The following TRDMT1 variants were observed in gnomAD, a reference collection of about 807,000 sequenced individuals.
The protein encoded by TRDMT1 is tRNA aspartic acid methyltransferase 1, also known as tRNA (cytosine(38)-C(5))-methyltransferase.
A neutral mutation model predicts 51.2 loss-of-function variants in TRDMT1; 49 were observed. The observed-to-expected ratio is 0.96, with a 90% confidence interval of 0.76 to 1.21. The LOEUF is 1.21. Ranked by LOEUF, TRDMT1 falls within the 50% of genes most tolerant of loss-of-function variation. The pLI is 0.00. For synonymous variants in TRDMT1, 187 were observed against 164.6 expected (o/e 1.14, Z -1.04); for missense variants, 534 against 462.3 (o/e 1.16, Z -1.42).
chr10:17,144,681 A>G lies in TRDMT1; in HGVS notation c.*4359T>C. The G allele has an allele frequency of 1.0e-6, 1 of 985,434 alleles. No homozygotes were observed. The highest frequency in any genetic ancestry group is 1.2e-6 in the Non-Finnish European group (1 of 829,916). The allele number at this position is 985,434 out of a possible 1,614,324, so 61.0% of individuals were successfully genotyped here. Reference sequence around the variant, plus strand: ...TTAAAAAGAAATAAATTCACAAGCTAAGACATGAATGGTGATGGAGTTTGG... The same window carrying G: ...TTAAAAAGAAATAAATTCACAAGCTGAGACATGAATGGTGATGGAGTTTGG... On this transcript the variant is annotated 3_prime_UTR_variant, in exon 11 of 11. Transcript: ENST00000377799.
chr10:17,159,111 C>T (rs1765831848), intron 7 of TRDMT1, 35 bp downstream of exon 7: 21 of 1,327,520 alleles, frequency 1.6e-5, no homozygotes, highest in Admixed American at 4.5e-5. Flanking sequence ...AATAAATAAG[C>T]CATAATATTC....
intron 1 of TRDMT1, among the ~76,000 whole-genome samples, chr10:17,176,168 GCTA>G (rs764255341): frequency 6.6e-6 from 1 of 152,170 alleles, no homozygotes; most frequent in Non-Finnish European, 1.5e-5. Context: ...CAAGAATTAA[GCTA>G]CTACTAATCA....
chr10:17,148,121 A>G lies in TRDMT1; in HGVS notation c.*919T>C, dbSNP rs1838279522. On this transcript the variant is annotated 3_prime_UTR_variant, in exon 11 of 11. Coordinates refer to ENST00000377799, the MANE Select transcript of TRDMT1 (RefSeq NM_004412.7). ...TAGTTTGATTAGAAACCCTAATTCC[A>G]AGAGGTCTGCTGAGGAAGAGAGACA... The G allele has an allele frequency of 1.0e-6, 1 of 985,324 alleles. No homozygotes were observed. Among genetic ancestry groups the G allele is most frequent in the African/African-American group, 1.7e-5 (1 of 57,244 alleles). 61.0% of individuals were successfully genotyped at this position (985,324 alleles called of 1,614,324 possible). A position where few individuals can be genotyped will look rare whatever the true frequency, so the allele number is the denominator to read the frequency against.
chr10:17,165,084 G>A (rs144457340), intron 3 of TRDMT1, among the ~76,000 whole-genome samples: 2,449 of 152,128 alleles, frequency 0.016, 73 homozygotes, highest in African/African-American at 0.054. Flanking sequence ...CCAAAAGAAC[G>A]AAGCTGGAGG....
chr10:17,138,480 C>A lies in TRDMT1; in HGVS notation c.*10560G>T, dbSNP rs963740858. On this transcript the variant is annotated 3_prime_UTR_variant, in exon 11 of 11. Coordinates refer to ENST00000377799, the MANE Select transcript of TRDMT1 (RefSeq NM_004412.7). Reference sequence around the variant, plus strand: ...AAATCAAGGTACATTTAAAACTATTCTTTTGCTCATTTCATGGGAAGTGCA... The same window carrying A: ...AAATCAAGGTACATTTAAAACTATTATTTTGCTCATTTCATGGGAAGTGCA... 1.3e-5 allele frequency among the ~76,000 whole-genome samples: 2 copies of A among 152,138 alleles called. No homozygotes were observed. The highest frequency in any genetic ancestry group is 1.5e-5 in the Non-Finnish European group (1 of 68,016).
rs1038323720 is a variant in TRDMT1 at position 17,144,539 on chromosome 10, G to A, written c.*4501C>T. 1.0e-6 allele frequency: 1 copy of A among 985,660 alleles called. No individual in the cohort carries two copies. The highest frequency in any genetic ancestry group is 1.7e-5 in the African/African-American group (1 of 57,218). 61.1% of individuals were successfully genotyped at this position (985,660 alleles called of 1,614,324 possible). The stretch of plus-strand genomic sequence containing the variant: ...GGAGACTTCAGTAAGTGCTGGATGT[G>A]GCTGAAAGTAAGACTCAGAATCTAT... On this transcript the variant is annotated 3_prime_UTR_variant, in exon 11 of 11. Transcript: ENST00000377799.
chr10:17,160,502 C>CAAAA, intron 5 of TRDMT1, 128 bp from the exon 6 acceptor site: 1 of 508,186 alleles, frequency 2.0e-6, no homozygotes, highest in Non-Finnish European at 3.3e-6. Context: ...GACAGAGTCT[C>CAAAA]ACTCTGTTGC....
At chr10:17,184,472 G>T (rs1167569458) in intron 1 of TRDMT1, among the ~76,000 whole-genome samples, 3 of 151,354 alleles carry the variant, frequency 2.0e-5, no homozygotes, top group East Asian at 1.9e-4. Flanking sequence ...AACTCACAAA[G>T]ATCCCTAAAA....
rs369056224 is a variant in TRDMT1, at chr10:17,144,939, T to G, written c.*4101A>C. The G allele has an allele frequency of 9.1e-6, 9 of 985,344 alleles. No individual in the cohort carries two copies. The East Asian group carries it at 3.4e-4, about 37-fold the overall frequency. The allele number at this position is 985,344 out of a possible 1,614,324, so 61.0% of individuals were successfully genotyped here. Reference sequence around the variant, plus strand: ...TAAAGAACATGTGCAAGATGCTTAATGCCTTTTTAAAAAACATGCAAAGGG... The same window carrying G: ...TAAAGAACATGTGCAAGATGCTTAAGGCCTTTTTAAAAAACATGCAAAGGG... On this transcript the variant is annotated 3_prime_UTR_variant, in exon 11 of 11. Transcript: ENST00000377799.
rs1271062475 is a variant in TRDMT1 at position 17,138,495 on chromosome 10, TG to T, written c.*10544del. 3.3e-5 allele frequency among the ~76,000 whole-genome samples: 5 copies of T among 152,212 alleles called. No homozygotes were observed. The highest frequency in any genetic ancestry group is 1.3e-4 in the Admixed American group (2 of 15,278). On this transcript the variant is annotated 3_prime_UTR_variant, in exon 11 of 11. Transcript: ENST00000377799. ...TAAAACTATTCTTTTGCTCATTTCA[TG>T]GGAAGTGCATTACCATGTAGGAAAT... is the stretch of plus-strand genomic sequence containing the variant.
At chr10:17,199,995 A>ATATACATATCCC (rs1845941505) in intron 1 of TRDMT1, among the ~76,000 whole-genome samples, 1 of 152,232 alleles carries the variant, frequency 6.6e-6, no homozygotes, top group Non-Finnish European at 1.5e-5. Context: ...CATATCCCTG[A>ATATACATATCCC]TGAATATGTA....
At chr10:17,173,498 C>T (rs1842284491) in intron 2 of TRDMT1, among the ~76,000 whole-genome samples, 1 of 151,964 alleles carries the variant, frequency 6.6e-6, no homozygotes, top group Admixed American at 6.6e-5. Flanking sequence ...AAACTTAATC[C>T]ATAATGAAAA....
chr10:17,188,617 G>A (rs1844265893), intron 1 of TRDMT1, among the ~76,000 whole-genome samples: 1 of 152,132 alleles, frequency 6.6e-6, no homozygotes, highest in Non-Finnish European at 1.5e-5. Flanking sequence ...CAAAGTTCAT[G>A]AAATGATTTT....
At chr10:17,177,409 C>T (rs1002943800) in intron 1 of TRDMT1, among the ~76,000 whole-genome samples, 2 of 151,928 alleles carry the variant, frequency 1.3e-5, no homozygotes, top group African/African-American at 4.8e-5. Context: ...ACCATATTGG[C>T]CAGGCTGGTC....
chr10:17,190,342 G>A lies in TRDMT1; in HGVS notation c.64+11229C>T, dbSNP rs375137312. Among the ~76,000 whole-genome samples, 44 of 150,908 alleles carry A rather than the reference G, an allele frequency of 2.9e-4. 1 individual carries two copies. Among genetic ancestry groups the A allele is most frequent in the Middle Eastern group, 3.4e-3 (1 of 290 alleles). ...ATTTATCATTATGATAATAATCACC[G>A]TGTAATTATGTGTAGATTTGCTCTC... is the stretch of plus-strand genomic sequence containing the variant. On this transcript the variant is annotated intron_variant, in intron 1 of 10. Coordinates refer to ENST00000377799, the MANE Select transcript of TRDMT1 (RefSeq NM_004412.7).
chr10:17,154,727 T>C lies in TRDMT1; in HGVS notation c.895A>G (p.Ser299Gly). 1 of 1,603,440 alleles carries C rather than the reference T, an allele frequency of 6.2e-7. No homozygotes were observed. Among genetic ancestry groups the C allele is most frequent in the African/African-American group, 1.3e-5 (1 of 74,446 alleles). The change falls in exon 9 of 11, where the codon AGC becomes GGC. Residue 299 changes from serine to glycine, a missense_variant. Coordinates refer to ENST00000377799, the MANE Select transcript of TRDMT1 (RefSeq NM_004412.7). ...RSVCFTKGYGSYIEGTGSVLQ... is the reference protein window; with the variant it reads ...RSVCFTKGYGGYIEGTGSVLQ... ...ACAGACCCTGTCCCTTCTATGTAGC[T>C]TCCATATCTGAAAAATCAACACAAC...
chr10:17,139,480 G>A lies in TRDMT1; in HGVS notation c.*9560C>T, dbSNP rs1409515367. 1.3e-5 allele frequency among the ~76,000 whole-genome samples: 2 copies of A among 152,038 alleles called. No homozygotes were observed. Among genetic ancestry groups the A allele is most frequent in the Admixed American group, 6.6e-5 (1 of 15,244 alleles). Reference sequence around the variant, plus strand: ...CAAGAGAGGTGAGGATGTCACCACCGATGGGGGGAAGAAAAAAACAGTTTG... The same window carrying A: ...CAAGAGAGGTGAGGATGTCACCACCAATGGGGGGAAGAAAAAAACAGTTTG... On this transcript the variant is annotated 3_prime_UTR_variant, in exon 11 of 11. Transcript: ENST00000377799.
intron 2 of TRDMT1, 44 bp from the exon 3 acceptor site, chr10:17,168,961 G>T: frequency 7.8e-7 from 1 of 1,280,884 alleles, no homozygotes; most frequent in Non-Finnish European, 1.1e-6. Context: ...ATAAAAACAT[G>T]GATAGAATGG....
chr10:17,147,458 AAGT>A lies in TRDMT1; in HGVS notation c.*1579_*1581del. The A allele has an allele frequency of 1.7e-6, 1 of 595,448 alleles. No individual in the cohort carries two copies. Among genetic ancestry groups the A allele is most frequent in the Non-Finnish European group, 2.1e-6 (1 of 473,942 alleles). The allele number at this position is 595,448 out of a possible 1,614,324, so 36.9% of individuals were successfully genotyped here. A position where few individuals can be genotyped will look rare whatever the true frequency, so the allele number is the denominator to read the frequency against. On this transcript the variant is annotated 3_prime_UTR_variant, in exon 11 of 11. Coordinates refer to ENST00000377799, the MANE Select transcript of TRDMT1 (RefSeq NM_004412.7). Reference sequence around the variant, plus strand: ...TTAAATATACAGTTGCAGTGGCATTAAGTACACTCACACTGTTGTGCAACCATC... The same window carrying A: ...TTAAATATACAGTTGCAGTGGCATTAACACTCACACTGTTGTGCAACCATC...
Sources: gnomAD v4.1 joint callset for allele counts (sites outside exome capture counted in the v4.1 genomes callset) on GRCh38, gnomAD v4.1.1 for gene constraint, MANE v1.5 for transcripts, NCBI Gene and HGNC (gene_info 2026-07-23, HGNC 2026-07-21) for gene names.